The following PRUNE2 variants were observed in gnomAD, a reference collection of about 807,000 sequenced individuals.
PRUNE2 encodes the protein prune homolog 2 with BCH domain.
A neutral mutation model predicts 252.0 loss-of-function variants in PRUNE2; 164 were observed. That is an observed-to-expected ratio of 0.65 (90% confidence interval 0.57 to 0.74). PRUNE2 has a LOEUF of 0.74. Ranked by LOEUF, PRUNE2 falls within the 30% of genes least tolerant of loss-of-function variation. The probability of loss-of-function intolerance (pLI) is 0.00; values close to 1 mark genes in which losing one functional copy is unlikely to be tolerated. For synonymous variants in PRUNE2, 1,292 were observed against 1,350.2 expected (o/e 0.96, Z 0.94); for missense variants, 3,495 against 3,711.0 (o/e 0.94, Z 1.51).
intron 1 of PRUNE2, among the ~76,000 whole-genome samples, chr9:76,882,088 G>A (rs1564499021): frequency 1.3e-5 from 2 of 151,860 alleles, no homozygotes; most frequent in Non-Finnish European, 2.9e-5. Context: ...ATTCTTTCAA[G>A]GGTAAATGTG....
chr9:76,723,870 C>T (rs1023563105), intron 6 of PRUNE2, among the ~76,000 whole-genome samples: 16 of 147,326 alleles, frequency 1.1e-4, no homozygotes, highest in South Asian at 2.1e-4. Flanking sequence ...TGCAGTGGTG[C>T]GATCTCGGCT....
Position 76,705,958 on chromosome 9 carries a change from C to A in PRUNE2, c.6316G>T (p.Asp2106Tyr). The A allele has an allele frequency of 6.2e-7, 1 of 1,613,982 alleles. No homozygotes were observed. The highest frequency in any genetic ancestry group is 8.5e-7 in the Non-Finnish European group (1 of 1,179,888). Residue 2106 changes from aspartate to tyrosine, a missense_variant, in exon 8 of 19, where the codon GAT becomes TAT. Asp to Tyr is a radical substitution (Grantham distance 160, BLOSUM62 -3). Transcript: ENST00000376718. ...TTTGCTTCAGAATCGTGACATATAT[C>A]AGGGCTGTCGGAAGCCTGAGAATTG... is the stretch of plus-strand genomic sequence containing the variant. ...DSNSQASDSP[D>Y]ICHDSEAKQE...
intron 9 of PRUNE2, among the ~76,000 whole-genome samples, chr9:76,696,036 T>C (rs2045350725): frequency 6.6e-6 from 1 of 152,148 alleles, no homozygotes; most frequent in Non-Finnish European, 1.5e-5. Context: ...CTGTAGGATA[T>C]GTAACTGCAT....
chr9:76,748,447 T>C (rs2050328681), intron 6 of PRUNE2, among the ~76,000 whole-genome samples: 1 of 152,128 alleles, frequency 6.6e-6, no homozygotes, highest in African/African-American at 2.4e-5. Flanking sequence ...GAACGGGACA[T>C]CTTTAGAGAA....
intron 8 of PRUNE2, among the ~76,000 whole-genome samples, chr9:76,704,490 G>C (rs1410982761): frequency 6.6e-6 from 1 of 152,202 alleles, no homozygotes; most frequent in African/African-American, 2.4e-5. Context: ...CTCCCAAAGT[G>C]CTGAGATTAC....
Position 76,776,941 on chromosome 9 carries a change from C to CAG in PRUNE2, c.756+46690_756+46691insCT, listed in dbSNP as rs1355467487. The stretch of plus-strand genomic sequence containing the variant: ...ACACACACACACACACACACACACA[C>CAG]ACACAAAGGGCCTGGACCTTTCTTC... On this transcript the variant is annotated intron_variant, in intron 6 of 18. Transcript: ENST00000376718. 5.4e-3 allele frequency among the ~76,000 whole-genome samples: 781 copies of CAG among 145,000 alleles called. 22 individuals carry two copies. The highest frequency in any genetic ancestry group is 6.5e-3 in the African/African-American group (250 of 38,546).
chr9:76,771,213 T>C (rs1457502198), intron 6 of PRUNE2, among the ~76,000 whole-genome samples: 2 of 152,192 alleles, frequency 1.3e-5, no homozygotes, highest in East Asian at 3.8e-4. Context: ...TTTTGATAAC[T>C]GGTGATCAAA....
intron 1 of PRUNE2, among the ~76,000 whole-genome samples, chr9:76,879,610 T>TTG (rs111624418): frequency 0.047 from 7,091 of 151,068 alleles, 527 homozygotes; most frequent in African/African-American, 0.16. Flanking sequence ...GGAAAAGTAA[T>TTG]TGTGTGTGTG....
intron 6 of PRUNE2, among the ~76,000 whole-genome samples, chr9:76,753,818 T>C (rs1281511625): frequency 6.6e-6 from 1 of 151,244 alleles, no homozygotes; most frequent in Non-Finnish European, 1.5e-5. Context: ...CTCGGGAGGC[T>C]GAGGCAGGAG....
rs565842289 is a variant in PRUNE2 at position 76,675,801 on chromosome 9, A to C, written c.8277-20299T>G. ...GAAATTGGAAACCATCATTCTCAGT[A>C]AACTATCGCAAGAACAAAAAACCAA... is the stretch of plus-strand genomic sequence containing the variant. On this transcript the variant is annotated intron_variant, in intron 9 of 18. Transcript: ENST00000376718. Among the ~76,000 whole-genome samples the C allele has an allele frequency of 1.5e-3, 200 of 130,628 alleles. 1 individual carries two copies. Among genetic ancestry groups the C allele is most frequent in the Non-Finnish European group, 2.2e-3 (132 of 60,902 alleles). 85.7% of individuals were successfully genotyped at this position (130,628 alleles called of 152,430 possible). A position where few individuals can be genotyped will look rare whatever the true frequency, so the allele number is the denominator to read the frequency against.
intron 4 of PRUNE2, among the ~76,000 whole-genome samples, chr9:76,842,905 G>C (rs1460593451): frequency 6.6e-6 from 1 of 152,168 alleles, no homozygotes; most frequent in Non-Finnish European, 1.5e-5. Flanking sequence ...CAGCATTGTG[G>C]AAGACAGTGT....
intron 9 of PRUNE2, among the ~76,000 whole-genome samples, chr9:76,663,075 A>G (rs530592661): frequency 5.4e-4 from 83 of 152,372 alleles, no homozygotes; most frequent in South Asian, 8.3e-4. Context: ...CCAGCAGTAC[A>G]TGGCACCCTG....
intron 6 of PRUNE2, among the ~76,000 whole-genome samples, chr9:76,736,315 T>C (rs1207153231): frequency 6.6e-6 from 1 of 152,210 alleles, no homozygotes; most frequent in Non-Finnish European, 1.5e-5. Context: ...ACATACTTTA[T>C]GCTATGGATA....
At chr9:76,805,202 C>T (rs1170046689) in intron 6 of PRUNE2, among the ~76,000 whole-genome samples, 1 of 152,200 alleles carries the variant, frequency 6.6e-6, no homozygotes, top group Non-Finnish European at 1.5e-5. Flanking sequence ...CCAGCTGAGG[C>T]CCCCCACCGC....
rs775694249 is a variant in PRUNE2, at chr9:76,708,966, T to G, written c.3308A>C (p.Asn1103Thr). 1 of 1,613,826 alleles carries G rather than the reference T, an allele frequency of 6.2e-7. No homozygotes were observed. Among genetic ancestry groups the G allele is most frequent in the East Asian group, 2.2e-5 (1 of 44,866 alleles). The change falls in exon 8 of 19, where the codon AAC becomes ACC. Residue 1103 changes from asparagine to threonine, a missense_variant. Physicochemically the swap from Asn to Thr is moderately conservative, Grantham distance 65. Coordinates refer to ENST00000376718, the MANE Select transcript of PRUNE2 (RefSeq NM_015225.3). Reference protein sequence around the residue: ...RQLTLLHSSTNSRQTAPDSLD... With the variant: ...RQLTLLHSSTTSRQTAPDSLD... ...ACTGTCAGGGGCCGTCTGCCGGGAGTTGGTGCTGCTGTGCAAAAGTGTGAG... is the reference window on the plus strand; with the variant it reads ...ACTGTCAGGGGCCGTCTGCCGGGAGGTGGTGCTGCTGTGCAAAAGTGTGAG...
chr9:76,731,032 A>G (rs1286690043), intron 6 of PRUNE2, among the ~76,000 whole-genome samples: 1 of 152,186 alleles, frequency 6.6e-6, no homozygotes, highest in Admixed American at 6.5e-5. Context: ...GGATCTCAAT[A>G]TGATAGAGGA....
intron 1 of PRUNE2, among the ~76,000 whole-genome samples, chr9:76,855,082 A>AAAATATAT (rs1490285240): frequency 9.1e-6 from 1 of 109,438 alleles, no homozygotes; most frequent in Non-Finnish European, 1.7e-5. Context: ...AAAAAAAAAA[A>AAAATATAT]ATATATATAT....
chr9:76,857,121 C>A (rs960756732), intron 1 of PRUNE2: 1 of 455,972 alleles, frequency 2.2e-6, no homozygotes, highest in Non-Finnish European at 4.4e-6. Context: ...CATCAAGTTC[C>A]TTCATGGTCA....
At chr9:76,856,699 T>C (rs181262345) in intron 1 of PRUNE2, 1 of 203,834 alleles carries the variant, frequency 4.9e-6, no homozygotes, top group East Asian at 1.5e-4. Flanking sequence ...GACCATAGCA[T>C]ACCCCACTGC....
Sources: allele counts gnomAD v4.1 joint callset (sites outside exome capture counted in the v4.1 genomes callset), GRCh38; gene constraint gnomAD v4.1.1; transcripts MANE v1.5; gene names NCBI Gene and HGNC (gene_info 2026-07-23, HGNC 2026-07-21).